The following MARCHF1 variants were observed in gnomAD, a reference collection of about 807,000 sequenced individuals.
The protein encoded by MARCHF1 is E3 ubiquitin-protein ligase MARCHF1.
MARCHF1 carries 40 observed loss-of-function variants against 54.2 expected under a neutral mutation model. The ratio of observed to expected loss-of-function variants is 0.74; its 90% CI spans 0.57 to 0.96. MARCHF1 has a LOEUF of 0.96. Ranked by LOEUF, MARCHF1 falls within the 40% of genes least tolerant of loss-of-function variation. MARCHF1 has a pLI of 0.00. For missense variants in MARCHF1, 586 were observed against 656.5 expected, an observed-to-expected ratio of 0.89 and a Z score of 1.17; for synonymous variants, 236 against 236.3, an observed-to-expected ratio of 1.00 and a Z score of 0.01.
chr4:163,648,272 A>G (rs1357828315), intron 5 of MARCHF1, among the ~76,000 whole-genome samples: 1 of 151,978 alleles, frequency 6.6e-6, no homozygotes, highest in Non-Finnish European at 1.5e-5. Context: ...AACTAAGACC[A>G]AGTAGAAATG....
chr4:163,634,161 A>G (rs1413495455), intron 5 of MARCHF1, among the ~76,000 whole-genome samples: 1 of 152,214 alleles, frequency 6.6e-6, no homozygotes. Flanking sequence ...TGTAAAGACC[A>G]TAGAGACTAG....
rs61734696 is a variant in MARCHF1, at chr4:164,197,303, G to T, written c.-322-85641C>A. The stretch of plus-strand genomic sequence containing the variant: ...TAACAGCTGTCGAGATATGTGAGTT[G>T]CAGGAGAAGCTTGAACACGTTTTCT... On this transcript the variant is annotated intron_variant, in intron 1 of 9. Transcript: ENST00000514618. 1,570 of 1,611,950 alleles carry T rather than the reference G, an allele frequency of 9.7e-4. 19 individuals are homozygous for T. In the African/African-American group the frequency reaches 0.019, roughly 20 times the overall value.
At chr4:164,084,810 G>A (rs7687591) in intron 2 of MARCHF1, among the ~76,000 whole-genome samples, 106,497 of 151,418 alleles carry the variant, frequency 0.7, 39,173 homozygotes, top group Non-Finnish European at 0.83. Flanking sequence ...TAGCTATATT[G>A]CTTGAACCAC....
intron 4 of MARCHF1, among the ~76,000 whole-genome samples, chr4:163,815,948 T>C (rs1208885339): frequency 1.3e-5 from 2 of 152,154 alleles, no homozygotes; most frequent in Non-Finnish European, 2.9e-5. Context: ...TGGAAAAAAG[T>C]AAATACTATC....
At chr4:163,588,518 C>T (rs1418294591) in intron 7 of MARCHF1, among the ~76,000 whole-genome samples, 1 of 152,152 alleles carries the variant, frequency 6.6e-6, no homozygotes, top group Non-Finnish European at 1.5e-5. Context: ...TTTGGAGCCA[C>T]TAAAATCTAA....
At chr4:163,921,772 T>C (rs1310331289) in intron 3 of MARCHF1, among the ~76,000 whole-genome samples, 3 of 152,186 alleles carry the variant, frequency 2.0e-5, no homozygotes, top group East Asian at 1.9e-4. Flanking sequence ...GTTTCTTTTA[T>C]GATTATGAGT....
chr4:164,055,822 G>A (rs1321399430), intron 2 of MARCHF1, among the ~76,000 whole-genome samples: 2 of 151,992 alleles, frequency 1.3e-5, no homozygotes, highest in African/African-American at 4.8e-5. Flanking sequence ...AATTTTGCCA[G>A]GTGTGGCTCA....
chr4:163,613,571 T>C (rs1741422537), intron 5 of MARCHF1, 178 bp from the exon 6 acceptor site: 3 of 1,518,508 alleles, frequency 2.0e-6, no homozygotes, highest in South Asian at 1.4e-5. Context: ...TAAAACTTAT[T>C]TGAGGAACCT....
intron 1 of MARCHF1, among the ~76,000 whole-genome samples, chr4:164,175,351 C>A (rs1026823900): frequency 1.3e-5 from 2 of 152,194 alleles, no homozygotes; most frequent in African/African-American, 4.8e-5. Context: ...TGCCCCCTAT[C>A]TTCCCATAAG....
rs772794593 is a variant in MARCHF1 at position 164,337,907 on chromosome 4, C to G, written c.-323+45963G>C. 2.1e-4 allele frequency among the ~76,000 whole-genome samples: 32 copies of G among 152,282 alleles called. No homozygotes were observed. In the East Asian group the frequency reaches 6.2e-3, roughly 29 times the overall value. ...AAAGGCACAGAATCTTAACAATTCT[C>G]CCCCTGTCTAAAGAAGGCACAAGAG... On this transcript the variant is annotated intron_variant, in intron 1 of 9. Transcript: ENST00000514618.
At chr4:164,156,687 C>T (rs1366972957) in intron 1 of MARCHF1, among the ~76,000 whole-genome samples, 2 of 152,118 alleles carry the variant, frequency 1.3e-5, no homozygotes, top group Non-Finnish European at 2.9e-5. Flanking sequence ...TTACAGGCTC[C>T]CAAAGTGCTG....
intron 1 of MARCHF1, among the ~76,000 whole-genome samples, chr4:164,364,200 T>C (rs958465890): frequency 1.3e-5 from 2 of 152,058 alleles, no homozygotes; most frequent in Non-Finnish European, 2.9e-5. Context: ...CTGGTATTTC[T>C]TGAAAACAAT....
chr4:164,197,347 G>C (rs766724008), intron 1 of MARCHF1: 16 of 1,612,636 alleles, frequency 9.9e-6, no homozygotes, highest in South Asian at 3.3e-5. Flanking sequence ...GTTCAGGTTG[G>C]TTACCTCGCA....
intron 4 of MARCHF1, among the ~76,000 whole-genome samples, chr4:163,734,010 A>G (rs903622682): frequency 1.2e-4 from 18 of 152,334 alleles, no homozygotes; most frequent in Admixed American, 9.8e-4. Flanking sequence ...GAACAAACTC[A>G]TCACCAAGAA....
At chr4:163,592,619 C>T (rs1176698995) in intron 7 of MARCHF1, among the ~76,000 whole-genome samples, 2 of 151,944 alleles carry the variant, frequency 1.3e-5, no homozygotes, top group East Asian at 3.9e-4. Flanking sequence ...GAGGCCAAGT[C>T]TTATTTGAAT....
chr4:163,970,174 G>A (rs1752521632), intron 3 of MARCHF1, among the ~76,000 whole-genome samples: 1 of 152,150 alleles, frequency 6.6e-6, no homozygotes, highest in Non-Finnish European at 1.5e-5. Flanking sequence ...CACATGGTAG[G>A]TGTTTTAAAA....
intron 7 of MARCHF1, among the ~76,000 whole-genome samples, chr4:163,597,345 G>A (rs1315440986): frequency 1.3e-5 from 2 of 152,122 alleles, no homozygotes; most frequent in Admixed American, 1.3e-4. Flanking sequence ...AATTACAAAA[G>A]CTTATTTATT....
At chr4:164,032,429 G>A (rs893443359) in intron 2 of MARCHF1, among the ~76,000 whole-genome samples, 10 of 152,126 alleles carry the variant, frequency 6.6e-5, no homozygotes, top group Non-Finnish European at 1.2e-4. Context: ...GGATGTTAGG[G>A]TGTCAATGTG....
chr4:164,197,057 C>T, intron 1 of MARCHF1: 1 of 1,606,062 alleles, frequency 6.2e-7, no homozygotes, highest in South Asian at 1.1e-5. Context: ...TCTTCATCTT[C>T]CTCGCCATCT....
Sources: allele counts gnomAD v4.1 joint callset (sites outside exome capture counted in the v4.1 genomes callset), GRCh38; gene constraint gnomAD v4.1.1; transcripts MANE v1.5; gene names NCBI Gene and HGNC (gene_info 2026-07-23, HGNC 2026-07-21).